CDH9: variants seen among roughly 807,000 people sequenced by gnomAD.
CDH9 encodes cadherin-9.
A neutral mutation model predicts 70.9 loss-of-function variants in CDH9; 28 were observed. That is an observed-to-expected ratio of 0.40 (90% confidence interval 0.29 to 0.54). The LOEUF (loss-of-function observed/expected upper bound fraction) is 0.54, where lower values mean the gene tolerates loss of function less well. CDH9 is among the 20% of genes least tolerant of loss of function. The probability of loss-of-function intolerance (pLI) is 0.59; values close to 1 mark genes in which losing one functional copy is unlikely to be tolerated. For synonymous variants in CDH9, 409 were observed against 343.1 expected (o/e 1.19, Z -2.12); for missense variants, 874 against 984.4 (o/e 0.89, Z 1.50).
intron 1 of CDH9, among the ~76,000 whole-genome samples, chr5:27,031,571 T>C (rs922931555): frequency 6.6e-6 from 1 of 151,966 alleles, no homozygotes; most frequent in African/African-American, 2.4e-5. Flanking sequence ...ATTTATTCAA[T>C]GTAAGACTTC....
At chr5:26,976,441 A>AT (rs142377970) in intron 2 of CDH9, among the ~76,000 whole-genome samples, 7,403 of 152,010 alleles carry the variant, frequency 0.049, 611 homozygotes, top group African/African-American at 0.17. Context: ...CAGTCCTCTA[A>AT]TTTTTTGTTT....
intron 1 of CDH9, among the ~76,000 whole-genome samples, chr5:27,037,197 T>C (rs891558650): frequency 1.3e-5 from 2 of 151,130 alleles, no homozygotes; most frequent in African/African-American, 4.9e-5. Flanking sequence ...GCAAAGGGAG[T>C]CGAAGGAAGA....
intron 2 of CDH9, among the ~76,000 whole-genome samples, chr5:26,924,578 TAG>T (rs1741303478): frequency 1.3e-5 from 2 of 150,046 alleles, no homozygotes; most frequent in Admixed American, 1.4e-4. Context: ...CTTTCAGTTC[TAG>T]AGTACATGTG....
intron 1 of CDH9, among the ~76,000 whole-genome samples, chr5:27,023,026 T>C (rs766014375): frequency 9.9e-5 from 15 of 152,184 alleles, no homozygotes; most frequent in South Asian, 2.1e-4. Flanking sequence ...AAGTTGTAAA[T>C]GACTTTGAAA....
intron 2 of CDH9, among the ~76,000 whole-genome samples, chr5:26,961,389 C>T (rs1390841857): frequency 1.6e-4 from 25 of 151,956 alleles, no homozygotes; most frequent in Non-Finnish European, 2.9e-5. Flanking sequence ...ATTCTTGGGC[C>T]AACATCTCCC....
At chr5:26,927,957 C>T (rs1741373888) in intron 2 of CDH9, among the ~76,000 whole-genome samples, 1 of 151,958 alleles carries the variant, frequency 6.6e-6, no homozygotes, top group Non-Finnish European at 1.5e-5. Context: ...CTGTCATCGC[C>T]TTATGGCAGG....
At chr5:27,014,496 A>G (rs970215865) in intron 1 of CDH9, among the ~76,000 whole-genome samples, 4 of 152,014 alleles carry the variant, frequency 2.6e-5, no homozygotes, top group East Asian at 3.9e-4. Context: ...TGTAACCACT[A>G]TGTTGTAATC....
chr5:26,888,076 A>T (rs571093695), intron 9 of CDH9, among the ~76,000 whole-genome samples: 1 of 152,012 alleles, frequency 6.6e-6, no homozygotes, highest in East Asian at 1.9e-4. Context: ...AATTATTTTT[A>T]AGTCCACATT....
intron 2 of CDH9, among the ~76,000 whole-genome samples, chr5:26,946,579 G>A (rs568511522): frequency 2.7e-4 from 41 of 152,280 alleles, no homozygotes; most frequent in African/African-American, 8.9e-4. Context: ...CGAATTTAAA[G>A]GTAATAGCTT....
chr5:26,965,369 A>G (rs1427049441), intron 2 of CDH9, among the ~76,000 whole-genome samples: 1 of 152,026 alleles, frequency 6.6e-6, no homozygotes, highest in Non-Finnish European at 1.5e-5. Flanking sequence ...TGAGGTCAGG[A>G]GTTCACAACC....
intron 2 of CDH9, among the ~76,000 whole-genome samples, chr5:26,967,297 G>A (rs1159103077): frequency 6.6e-6 from 1 of 151,744 alleles, no homozygotes; most frequent in South Asian, 2.1e-4. Flanking sequence ...CAAACTTGTT[G>A]CTCTGGTAAT....
At chr5:26,891,573 G>C (rs1291517498) in intron 7 of CDH9, among the ~76,000 whole-genome samples, 4 of 152,116 alleles carry the variant, frequency 2.6e-5, no homozygotes, top group Admixed American at 6.6e-5. Flanking sequence ...AGCTACTCGG[G>C]AGGCTGAGGC....
At chr5:27,008,780 T>C (rs2112113135) in intron 1 of CDH9, among the ~76,000 whole-genome samples, 1 of 152,296 alleles carries the variant, frequency 6.6e-6, no homozygotes, top group African/African-American at 2.4e-5. Context: ...AGATCTCATT[T>C]ACCAAGCCAG....
chr5:26,954,388 C>CTTTTTTTTCTTT (rs1741904086), intron 2 of CDH9, among the ~76,000 whole-genome samples: 1 of 93,066 alleles, frequency 1.1e-5, no homozygotes, highest in African/African-American at 4.7e-5. Flanking sequence ...TACAGCCTTT[C>CTTTTTTTTCTTT]TTTTTTTTTT....
At chr5:26,937,854 A>G (rs1741587037) in intron 2 of CDH9, among the ~76,000 whole-genome samples, 1 of 152,044 alleles carries the variant, frequency 6.6e-6, no homozygotes, top group Non-Finnish European at 1.5e-5. Flanking sequence ...GGTACAGGGG[A>G]ATTTTTAGGT....
At chr5:27,028,732 T>C (rs1579522105) in intron 1 of CDH9, among the ~76,000 whole-genome samples, 1 of 152,114 alleles carries the variant, frequency 6.6e-6, no homozygotes, top group East Asian at 1.9e-4. Flanking sequence ...TGAAAAACCA[T>C]ATTTTAAGAC....
intron 2 of CDH9, among the ~76,000 whole-genome samples, chr5:26,942,124 A>T (rs982398): frequency 0.8 from 121,586 of 152,168 alleles, 51,259 homozygotes; most frequent in East Asian, 0.99. Context: ...CTCAGGAAAC[A>T]CAATCATGGT....
chr5:27,004,099 A>G (rs1742817315), intron 1 of CDH9, among the ~76,000 whole-genome samples: 1 of 144,260 alleles, frequency 6.9e-6, no homozygotes, highest in Admixed American at 7.0e-5. Context: ...GTGGTCAAAG[A>G]ATGCCTCTCT....
chr5:26,997,092 A>C (rs1030901847), intron 1 of CDH9, among the ~76,000 whole-genome samples: 2 of 152,102 alleles, frequency 1.3e-5, no homozygotes. Context: ...AACATCATAT[A>C]TTATAAAATA....
Sources: gnomAD v4.1 joint callset for allele counts (sites outside exome capture counted in the v4.1 genomes callset) on GRCh38, gnomAD v4.1.1 for gene constraint, MANE v1.5 for transcripts, NCBI Gene and HGNC (gene_info 2026-07-23, HGNC 2026-07-21) for gene names.